The following MACROD2 variants were observed in gnomAD, a reference collection of about 807,000 sequenced individuals.
MACROD2 encodes mono-ADP ribosylhydrolase 2, also known as ADP-ribose glycohydrolase MACROD2.
In MACROD2, 36 loss-of-function variants were observed where a neutral mutation model predicts 70.4. The ratio of observed to expected loss-of-function variants is 0.51; its 90% CI spans 0.39 to 0.68. The LOEUF (loss-of-function observed/expected upper bound fraction) is 0.68, where lower values mean the gene tolerates loss of function less well. MACROD2 is among the 30% of genes least tolerant of loss of function. The pLI is 0.00. For missense variants in MACROD2, 496 were observed against 538.4 expected (o/e 0.92, Z 0.78); for synonymous variants, 172 against 178.8 (o/e 0.96, Z 0.30).
chr20:14,886,920 C>G (rs1302195370), intron 5 of MACROD2, among the ~76,000 whole-genome samples: 1 of 152,126 alleles, frequency 6.6e-6, no homozygotes, highest in Non-Finnish European at 1.5e-5. Context: ...CTCATTCCGA[C>G]ATTGGCGTCT....
In MACROD2 at chr20:15,606,030, C is replaced by A. The variant is rs117314154; in HGVS notation, c.645+106183C>A. ...CTAGATACTTGTCAACCTGTCTCTC[C>A]CCTTCTCTACTTTTAATGCCTTTGT... On this transcript the variant is annotated intron_variant, in intron 8 of 17. Coordinates refer to ENST00000684519, the MANE Select transcript of MACROD2 (RefSeq NM_001351661.2). 5.3e-5 allele frequency among the ~76,000 whole-genome samples: 8 copies of A among 152,210 alleles called. No homozygotes were observed. The East Asian group carries it at 1.5e-3, about 29-fold the overall frequency.
chr20:14,110,430 G>A (rs190690445), intron 3 of MACROD2, among the ~76,000 whole-genome samples: 225 of 152,040 alleles, frequency 1.5e-3, no homozygotes, highest in Non-Finnish European at 3.0e-3. Context: ...TGGAAAGAAA[G>A]AAGTTAAATT....
At chr20:15,206,768 C>G (rs1266059149) in intron 5 of MACROD2, among the ~76,000 whole-genome samples, 2 of 68,894 alleles carry the variant, frequency 2.9e-5, no homozygotes, top group African/African-American at 1.5e-4. Context: ...CTCGCTCTGT[C>G]GCCCAGGCCG....
At position 14,579,513 on chromosome 20, in the gene MACROD2, T is replaced by A. The variant is rs183504717; in HGVS notation, c.301+86005T>A. Among the ~76,000 whole-genome samples the A allele has an allele frequency of 1.2e-3, 186 of 152,354 alleles. 1 individual carries two copies. The highest frequency in any genetic ancestry group is 6.8e-3 in the Middle Eastern group (2 of 294). ...ATTTTATAATCAGATTGAAAATAAA[T>A]GTTTAATACTTGCTTTGTGTGCTTT... On this transcript the variant is annotated intron_variant, in intron 4 of 17. Transcript: ENST00000684519.
At chr20:15,256,278 C>T (rs946470745) in intron 6 of MACROD2, among the ~76,000 whole-genome samples, 6 of 151,936 alleles carry the variant, frequency 3.9e-5, no homozygotes, top group Non-Finnish European at 5.9e-5. Context: ...TGTTTGGACA[C>T]GAGATTTGTT....
intron 3 of MACROD2, among the ~76,000 whole-genome samples, chr20:14,242,388 C>T (rs1235458685): frequency 2.0e-5 from 3 of 152,056 alleles, no homozygotes; most frequent in Non-Finnish European, 4.4e-5. Context: ...ATGCATATGA[C>T]CTTGCATTTA....
chr20:15,067,244 T>C (rs2075584115), intron 5 of MACROD2, among the ~76,000 whole-genome samples: 1 of 152,218 alleles, frequency 6.6e-6, no homozygotes, highest in South Asian at 2.1e-4. Context: ...CAGGCAAATG[T>C]ATTGAAATAT....
intron 8 of MACROD2, among the ~76,000 whole-genome samples, chr20:15,767,485 C>A (rs2051547524): frequency 6.6e-6 from 1 of 152,224 alleles, no homozygotes; most frequent in Admixed American, 6.5e-5. Context: ...TGTTGATTTG[C>A]AACTCATGCT....
At chr20:14,640,503 TG>T in intron 4 of MACROD2, among the ~76,000 whole-genome samples, 3 of 152,294 alleles carry the variant, frequency 2.0e-5, no homozygotes, top group Middle Eastern at 6.8e-3. Context: ...TATAGTCTAC[TG>T]GGAGAGACAG....
Position 15,378,784 on chromosome 20 carries a change from G to C in MACROD2, c.541-52621G>C, listed in dbSNP as rs553692887. Among the ~76,000 whole-genome samples the C allele has an allele frequency of 1.0e-3, 154 of 152,132 alleles. 1 individual carries two copies. The highest frequency in any genetic ancestry group is 3.6e-3 in the African/African-American group (148 of 41,530). On this transcript the variant is annotated intron_variant, in intron 6 of 17. Transcript: ENST00000684519. ...CTCAAACAGAATAGTAAAAACATAA[G>C]AATTTTTTTTCAACCTTAACTGATG...
chr20:15,328,747 A>G (rs2077959613), intron 6 of MACROD2, among the ~76,000 whole-genome samples: 1 of 152,114 alleles, frequency 6.6e-6, no homozygotes, highest in East Asian at 1.9e-4. Context: ...ATTTTATGGC[A>G]GTTTTACTGA....
At chr20:15,300,374 G>T (rs937947210) in intron 6 of MACROD2, among the ~76,000 whole-genome samples, 1 of 152,118 alleles carries the variant, frequency 6.6e-6, no homozygotes, top group South Asian at 2.1e-4. Flanking sequence ...GATTTTGTAG[G>T]TTCAGAGTGT....
intron 5 of MACROD2, among the ~76,000 whole-genome samples, chr20:14,898,958 C>CT (rs897422166): frequency 3.3e-5 from 5 of 152,120 alleles, no homozygotes; most frequent in African/African-American, 4.8e-5. Flanking sequence ...TAAATCATGC[C>CT]TTTTTTTCTA....
In MACROD2 at chr20:15,259,776, A is replaced by G. The variant is rs529621567; in HGVS notation, c.540+29715A>G. Among the ~76,000 whole-genome samples, 47 of 151,384 alleles carry G rather than the reference A, an allele frequency of 3.1e-4. 1 individual carries two copies. In the South Asian group the frequency reaches 5.4e-3, roughly 18 times the overall value. ...GGCTTTTTTTTCCCTCTTCTTTTCTATTTCACCTCCATTTCTTTTCTCTCT... is the reference window on the plus strand; with the variant it reads ...GGCTTTTTTTTCCCTCTTCTTTTCTGTTTCACCTCCATTTCTTTTCTCTCT... On this transcript the variant is annotated intron_variant, in intron 6 of 17. Transcript: ENST00000684519.
At chr20:15,821,866 C>T (rs1210656482) in intron 8 of MACROD2, among the ~76,000 whole-genome samples, 3 of 152,036 alleles carry the variant, frequency 2.0e-5, no homozygotes, top group Non-Finnish European at 4.4e-5. Flanking sequence ...GAACCAGTCC[C>T]CTGTGGATAC....
At chr20:15,470,961 A>C (rs1240784684) in intron 7 of MACROD2, among the ~76,000 whole-genome samples, 1 of 152,030 alleles carries the variant, frequency 6.6e-6, no homozygotes, top group African/African-American at 2.4e-5. Flanking sequence ...CTGGTCTCCC[A>C]ACTCATCTCT....
intron 6 of MACROD2, among the ~76,000 whole-genome samples, chr20:15,278,969 A>G (rs2077418444): frequency 1.3e-5 from 2 of 152,204 alleles, no homozygotes; most frequent in Admixed American, 1.3e-4. Context: ...TTCGCCTTGC[A>G]GTCTGACTAT....
rs553167829 is a variant in MACROD2 at position 15,604,806 on chromosome 20, T to TTAA, written c.645+104961_645+104962insATA. Among the ~76,000 whole-genome samples the TTAA allele has an allele frequency of 2.0e-5, 3 of 152,324 alleles. No individual in the cohort carries two copies. The East Asian group carries it at 5.8e-4, about 29-fold the overall frequency. ...ACACTATTAACTCCTTAGTAACTGG[T>TTAA]TATCTTAGAGTTGCATATTTCTGTT... On this transcript the variant is annotated intron_variant, in intron 8 of 17. Transcript: ENST00000684519.
At chr20:15,048,365 T>G (rs1233659624) in intron 5 of MACROD2, among the ~76,000 whole-genome samples, 1 of 152,042 alleles carries the variant, frequency 6.6e-6, no homozygotes, top group Non-Finnish European at 1.5e-5. Context: ...CATAACCTAG[T>G]CCCTCCTGAC....
Sources: gnomAD v4.1 joint callset for allele counts (sites outside exome capture counted in the v4.1 genomes callset) on GRCh38, gnomAD v4.1.1 for gene constraint, MANE v1.5 for transcripts, NCBI Gene and HGNC (gene_info 2026-07-23, HGNC 2026-07-21) for gene names.